Variants in CDH7 observed in about 807,000 individuals in gnomAD.
CDH7 encodes the protein cadherin-7.
CDH7 carries 25 observed loss-of-function variants against 71.8 expected under a neutral mutation model. The ratio of observed to expected loss-of-function variants is 0.35; its 90% CI spans 0.25 to 0.49. The LOEUF (loss-of-function observed/expected upper bound fraction) is 0.49. CDH7 is among the 20% of genes least tolerant of loss of function. The pLI, the probability that CDH7 is intolerant of heterozygous loss-of-function variation, is 0.99. For missense variants in CDH7, 862 were observed against 974.6 expected, an observed-to-expected ratio of 0.88 and a Z score of 1.54; for synonymous variants, 381 against 363.8, an observed-to-expected ratio of 1.05 and a Z score of -0.54.
At position 65,849,695 on chromosome 18, in the gene CDH7, G is replaced by A. The variant is rs780645643; in HGVS notation, c.1235+5630G>A. Among the ~76,000 whole-genome samples the A allele has an allele frequency of 1.6e-4, 25 of 151,674 alleles. 1 individual carries two copies. The highest frequency in any genetic ancestry group is 6.6e-4 in the Admixed American group (10 of 15,210). On this transcript the variant is annotated intron_variant, in intron 7 of 11. Coordinates refer to ENST00000397968, the MANE Select transcript of CDH7 (RefSeq NM_004361.5). Reference sequence around the variant, plus strand: ...CCCAAAGTGCTGGGATTACAGGTATGAGCCACCACCCCCGGCCCATTTTTT... The same window carrying A: ...CCCAAAGTGCTGGGATTACAGGTATAAGCCACCACCCCCGGCCCATTTTTT...
chr18:65,806,380 G>A (rs1287144239), intron 2 of CDH7, among the ~76,000 whole-genome samples: 2 of 151,556 alleles, frequency 1.3e-5, no homozygotes, highest in Non-Finnish European at 2.9e-5. Context: ...GGTAAGTTTT[G>A]TCTGCTTATT....
At chr18:65,780,720 G>C (rs939990631) in intron 2 of CDH7, among the ~76,000 whole-genome samples, 1 of 151,498 alleles carries the variant, frequency 6.6e-6, no homozygotes, top group Non-Finnish European at 1.5e-5. Context: ...TTGTAGTGTA[G>C]TTTGAAGTCA....
rs189329330 is a variant in CDH7 at position 65,868,040 on chromosome 18, A to G, written c.1864+5123A>G. The stretch of plus-strand genomic sequence containing the variant: ...ATGCTTTCTTGTTTTTGCAAATGAT[A>G]GTGAACATCACTGAAGATTGTGGAG... On this transcript the variant is annotated intron_variant, in intron 11 of 11. Transcript: ENST00000397968. 3.2e-3 allele frequency among the ~76,000 whole-genome samples: 476 copies of G among 146,470 alleles called. 8 individuals carry two copies. The highest frequency in any genetic ancestry group is 0.011 in the African/African-American group (454 of 39,594).
intron 2 of CDH7, among the ~76,000 whole-genome samples, chr18:65,780,958 T>G (rs2143828924): frequency 6.6e-6 from 1 of 151,632 alleles, no homozygotes; most frequent in South Asian, 2.1e-4. Flanking sequence ...AGGAGGATTT[T>G]TCTGTCCAAA....
intron 2 of CDH7, among the ~76,000 whole-genome samples, chr18:65,776,303 A>G (rs1909936920): frequency 6.6e-6 from 1 of 151,730 alleles, no homozygotes; most frequent in South Asian, 2.1e-4. Flanking sequence ...TCAGAATCAA[A>G]TCAGAATTAA....
intron 2 of CDH7, among the ~76,000 whole-genome samples, chr18:65,770,758 G>T (rs983574101): frequency 6.6e-6 from 1 of 152,126 alleles, no homozygotes; most frequent in Non-Finnish European, 1.5e-5. Context: ...AGTCTACATT[G>T]AATAATTATC....
chr18:65,821,255 T>C (rs1487398422), intron 4 of CDH7, among the ~76,000 whole-genome samples: 3 of 152,096 alleles, frequency 2.0e-5, no homozygotes, highest in African/African-American at 2.4e-5. Flanking sequence ...TTTAAGTTAA[T>C]AGAAGTATTG....
intron 2 of CDH7, 75 bp downstream of exon 2, chr18:65,763,127 A>G: frequency 2.6e-6 from 2 of 772,708 alleles, no homozygotes; most frequent in Admixed American, 3.7e-5. Flanking sequence ...ACTGCTATAT[A>G]TATATAAAAT....
At chr18:65,774,706 A>T (rs1909872356) in intron 2 of CDH7, among the ~76,000 whole-genome samples, 1 of 152,088 alleles carries the variant, frequency 6.6e-6, no homozygotes, top group Non-Finnish European at 1.5e-5. Flanking sequence ...AGTCTAGTCC[A>T]GTGGAAAGAT....
intron 1 of CDH7, among the ~76,000 whole-genome samples, chr18:65,755,683 A>G (rs1916009031): frequency 1.3e-5 from 2 of 152,316 alleles, no homozygotes; most frequent in Non-Finnish European, 1.5e-5. Context: ...ATTCCCAAAA[A>G]TGTATTAAGG....
chr18:65,828,601 C>G (rs187702385), intron 6 of CDH7, among the ~76,000 whole-genome samples: 20 of 151,938 alleles, frequency 1.3e-4, no homozygotes, highest in Admixed American at 2.0e-4. Context: ...TTCTGGTCAA[C>G]AGTAGGATAT....
intron 11 of CDH7, chr18:65,863,706 T>C (rs915829334): frequency 4.6e-5 from 7 of 152,356 alleles, no homozygotes; most frequent in South Asian, 2.1e-4. Flanking sequence ...GCAAATCTTA[T>C]ATTTTTAAAG....
In CDH7 at chr18:65,886,745, A is replaced by T. The variant is rs1488187732; in HGVS notation, c.*5851A>T. On this transcript the variant is annotated 3_prime_UTR_variant, in exon 12 of 12. Transcript: ENST00000397968. ...GTGTAATTAATAATTTATACACTTG[A>T]AAAAATTAGATGCAATGATATTGAC... is the stretch of plus-strand genomic sequence containing the variant. 6.6e-6 allele frequency: 1 copy of T among 152,206 alleles called. No individual in the cohort carries two copies. Among genetic ancestry groups the T allele is most frequent in the Non-Finnish European group, 1.5e-5 (1 of 68,018 alleles). The allele number at this position is 152,206 out of a possible 1,614,324, so 9.4% of individuals were successfully genotyped here.
chr18:65,775,458 G>A (rs759484789), intron 2 of CDH7, among the ~76,000 whole-genome samples: 1 of 152,096 alleles, frequency 6.6e-6, no homozygotes, highest in Non-Finnish European at 1.5e-5. Flanking sequence ...AATAATAGTG[G>A]TACATATTTT....
In CDH7 at chr18:65,885,375, T is replaced by TTTTTTTTTTTTTTG. The variant is rs1914345493; in HGVS notation, c.*4494_*4495insGTTTTTTTTTTTTT. 2 of 100,374 alleles carry TTTTTTTTTTTTTTG rather than the reference T, an allele frequency of 2.0e-5. No individual in the cohort carries two copies. Among genetic ancestry groups the TTTTTTTTTTTTTTG allele is most frequent in the African/African-American group, 3.6e-5 (1 of 27,932 alleles). 6.2% of individuals were successfully genotyped at this position (100,374 alleles called of 1,614,324 possible). A position where few individuals can be genotyped will look rare whatever the true frequency, so the allele number is the denominator to read the frequency against. ...ACTGAAAAGGATGTGTGCCTGTGTT[T>TTTTTTTTTTTTTTG]TTTTTTTTTTTTTTTTTTTTGACGT... On this transcript the variant is annotated 3_prime_UTR_variant, in exon 12 of 12. Transcript: ENST00000397968.
At chr18:65,874,711 A>T (rs1599068032) in intron 11 of CDH7, among the ~76,000 whole-genome samples, 1 of 151,822 alleles carries the variant, frequency 6.6e-6, no homozygotes, top group East Asian at 1.9e-4. Context: ...ATATGTATAT[A>T]CTTATATATG....
intron 11 of CDH7, among the ~76,000 whole-genome samples, chr18:65,869,812 A>G (rs1006655513): frequency 6.6e-6 from 1 of 152,132 alleles, no homozygotes; most frequent in Admixed American, 6.6e-5. Flanking sequence ...AGAACATTCT[A>G]TACATGCATG....
intron 6 of CDH7, among the ~76,000 whole-genome samples, chr18:65,841,624 A>G (rs1912736460): frequency 6.6e-6 from 1 of 152,212 alleles, no homozygotes; most frequent in Non-Finnish European, 1.5e-5. Flanking sequence ...GTAAATGAGA[A>G]TGCTTCAAGT....
intron 2 of CDH7, among the ~76,000 whole-genome samples, chr18:65,774,811 T>C (rs1156455063): frequency 1.3e-5 from 2 of 152,110 alleles, no homozygotes; most frequent in Non-Finnish European, 2.9e-5. Context: ...TCTAATTCCC[T>C]TGATGGTCCT....
Sources: gnomAD v4.1 joint callset for allele counts (sites outside exome capture counted in the v4.1 genomes callset) on GRCh38, gnomAD v4.1.1 for gene constraint, MANE v1.5 for transcripts, NCBI Gene and HGNC (gene_info 2026-07-23, HGNC 2026-07-21) for gene names.